ATP2B1: variants seen among roughly 807,000 people sequenced by gnomAD.
The protein encoded by ATP2B1 is plasma membrane calcium-transporting ATPase 1.
In ATP2B1, 14 loss-of-function variants were observed where a neutral mutation model predicts 124.2. That is an observed-to-expected ratio of 0.11 (90% CI 0.07 to 0.18). ATP2B1 has a LOEUF of 0.18. Ranked by LOEUF, ATP2B1 falls within the 10% of genes least tolerant of loss-of-function variation. The pLI, the probability that ATP2B1 is intolerant of heterozygous loss-of-function variation, is 1.00. For missense variants in ATP2B1, 763 were observed against 1,466.1 expected (o/e 0.52, Z 7.83); for synonymous variants, 449 against 492.4 (o/e 0.91, Z 1.17).
chr12:89,632,638 C>T (rs73196673), intron 5 of ATP2B1, among the ~76,000 whole-genome samples: 20,611 of 152,108 alleles, frequency 0.14, 1,853 homozygotes, highest in Non-Finnish European at 0.2. Context: ...CTGAATACTG[C>T]TTTTAAAAAT....
intron 1 of ATP2B1, among the ~76,000 whole-genome samples, chr12:89,685,645 A>G (rs2136676969): frequency 6.6e-6 from 1 of 152,214 alleles, no homozygotes; most frequent in South Asian, 2.1e-4. Flanking sequence ...CTAAAGTTTG[A>G]GAACCATGTT....
chr12:89,704,018 T>C (rs1293358486), intron 1 of ATP2B1, among the ~76,000 whole-genome samples: 2 of 152,190 alleles, frequency 1.3e-5, no homozygotes, highest in Non-Finnish European at 2.9e-5. Context: ...ACACCTTTCT[T>C]GTGAGATTTA....
chr12:89,614,505 TATTAC>T (rs1039629660), intron 12 of ATP2B1, among the ~76,000 whole-genome samples: 6 of 152,228 alleles, frequency 3.9e-5, no homozygotes, highest in Non-Finnish European at 8.8e-5. Context: ...CTGGTTCTCT[TATTAC>T]ATTGGTAACC....
At chr12:89,636,109 T>C (rs1882654493) in intron 3 of ATP2B1, among the ~76,000 whole-genome samples, 1 of 151,804 alleles carries the variant, frequency 6.6e-6, no homozygotes, top group South Asian at 2.1e-4. Context: ...TGCATGACAT[T>C]TGAGCTACCA....
intron 1 of ATP2B1, among the ~76,000 whole-genome samples, chr12:89,677,323 C>T (rs1592948543): frequency 6.6e-6 from 1 of 152,054 alleles, no homozygotes; most frequent in South Asian, 2.1e-4. Flanking sequence ...TGCTGGGAAG[C>T]GGGAGGTAGT....
chr12:89,617,329 T>C (rs1879130852), intron 11 of ATP2B1, among the ~76,000 whole-genome samples: 2 of 152,180 alleles, frequency 1.3e-5, no homozygotes, highest in African/African-American at 4.8e-5. Flanking sequence ...AAAGAATCCC[T>C]GGGTGGCAAA....
intron 15 of ATP2B1, among the ~76,000 whole-genome samples, chr12:89,607,453 T>C (rs2135974561): frequency 6.6e-6 from 1 of 152,302 alleles, no homozygotes; most frequent in Non-Finnish European, 1.5e-5. Context: ...CTGTAATTAT[T>C]TCCATGTGCT....
intron 1 of ATP2B1, among the ~76,000 whole-genome samples, chr12:89,677,945 A>T (rs1888813161): frequency 3.1e-5 from 3 of 98,150 alleles, no homozygotes; most frequent in Non-Finnish European, 4.3e-5. Flanking sequence ...GGTTGGGGGC[A>T]TGCAGGAATT....
intron 10 of ATP2B1, among the ~76,000 whole-genome samples, chr12:89,620,633 T>C (rs1197130970): frequency 6.6e-6 from 1 of 152,212 alleles, no homozygotes; most frequent in Non-Finnish European, 1.5e-5. Context: ...TTATACTAAA[T>C]CATTCAAAAT....
intron 1 of ATP2B1, among the ~76,000 whole-genome samples, chr12:89,664,012 T>A (rs1053218776): frequency 2.6e-5 from 4 of 152,228 alleles, no homozygotes; most frequent in East Asian, 1.9e-4. Context: ...ATAATAAAAA[T>A]TTATTTGCAT....
chr12:89,705,875 A>T (rs1355850647), intron 1 of ATP2B1, among the ~76,000 whole-genome samples: 2 of 152,184 alleles, frequency 1.3e-5, no homozygotes, highest in Non-Finnish European at 2.9e-5. Flanking sequence ...TTGTCTATAG[A>T]GAAATTGCAA....
In ATP2B1 at chr12:89,655,810, TCTC is replaced by T. The variant is rs771873428; in HGVS notation, c.74_76del (p.Gly25del). On this transcript the variant is annotated inframe_deletion, in exon 2 of 21. Coordinates refer to ENST00000428670, the MANE Select transcript of ATP2B1 (RefSeq NM_001366521.1). ...CAGCTCTGCGAGCGTAATTCCAAAG[TCTC>T]CATCATGATTAGCTTCCTTCAAAGA... The T allele has an allele frequency of 1.1e-5, 18 of 1,614,010 alleles. No homozygotes were observed. The highest frequency in any genetic ancestry group is 1.4e-5 in the Non-Finnish European group (16 of 1,179,992).
intron 2 of ATP2B1, among the ~76,000 whole-genome samples, chr12:89,642,773 TTTTGTA>T (rs1883760309): frequency 6.6e-6 from 1 of 152,084 alleles, no homozygotes; most frequent in Admixed American, 6.5e-5. Context: ...CCCGGCTAAT[TTTTGTA>T]TCTTTAGTAG....
intron 11 of ATP2B1, among the ~76,000 whole-genome samples, chr12:89,618,358 T>C (rs776773043): frequency 6.6e-6 from 1 of 152,186 alleles, no homozygotes; most frequent in Non-Finnish European, 1.5e-5. Flanking sequence ...ACAGAGTTGG[T>C]GGTCATCACC....
At chr12:89,676,108 G>C (rs780430634) in intron 1 of ATP2B1, among the ~76,000 whole-genome samples, 5 of 152,104 alleles carry the variant, frequency 3.3e-5, no homozygotes, top group Non-Finnish European at 5.9e-5. Context: ...TGCAGTGATG[G>C]AGAACCTACC....
intron 1 of ATP2B1, among the ~76,000 whole-genome samples, chr12:89,691,958 C>G (rs1488118978): frequency 2.6e-5 from 4 of 152,042 alleles, no homozygotes; most frequent in Non-Finnish European, 5.9e-5. Flanking sequence ...CAGAAAATCA[C>G]AGAATTTTCA....
chr12:89,650,318 T>C (rs1885077009), intron 2 of ATP2B1, among the ~76,000 whole-genome samples: 1 of 152,158 alleles, frequency 6.6e-6, no homozygotes, highest in South Asian at 2.1e-4. Context: ...GGCAATCCCG[T>C]CCCTAACTGC....
intron 2 of ATP2B1, among the ~76,000 whole-genome samples, chr12:89,644,475 T>C (rs201994699): frequency 4.6e-5 from 7 of 152,082 alleles, no homozygotes; most frequent in East Asian, 3.9e-4. Flanking sequence ...ATGATCTCAC[T>C]TGCAACTATA....
intron 1 of ATP2B1, among the ~76,000 whole-genome samples, chr12:89,701,658 T>G (rs1565933732): frequency 6.6e-6 from 1 of 152,202 alleles, no homozygotes; most frequent in East Asian, 1.9e-4. Context: ...ACAGTAGAAT[T>G]TAGCTTCTCT....
Sources: allele counts gnomAD v4.1 joint callset (sites outside exome capture counted in the v4.1 genomes callset), GRCh38; gene constraint gnomAD v4.1.1; transcripts MANE v1.5; gene names NCBI Gene and HGNC (gene_info 2026-07-23, HGNC 2026-07-21).